Variants in PTPRN2 observed in about 807,000 individuals in gnomAD.
PTPRN2 encodes the protein protein tyrosine phosphatase receptor type N2, also known as receptor-type tyrosine-protein phosphatase N2.
PTPRN2 carries 74 observed loss-of-function variants against 118.8 expected under a neutral mutation model. The ratio of observed to expected loss-of-function variants is 0.62; its 90% CI spans 0.52 to 0.76. The LOEUF (loss-of-function observed/expected upper bound fraction) is 0.76. PTPRN2 is among the 30% of genes least tolerant of loss of function. PTPRN2 has a pLI of 0.00. For missense variants in PTPRN2, 1,481 were observed against 1,394.4 expected (o/e 1.06, Z -0.99); for synonymous variants, 641 against 608.0 (o/e 1.05, Z -0.80).
intron 11 of PTPRN2, among the ~76,000 whole-genome samples, chr7:157,993,280 A>G (rs1804393466): frequency 6.6e-6 from 1 of 151,978 alleles, no homozygotes; most frequent in Admixed American, 6.6e-5. Context: ...AAGACCAAGG[A>G]CAAAAGAGGA....
At chr7:158,279,657 G>A (rs966114448) in intron 3 of PTPRN2, among the ~76,000 whole-genome samples, 12 of 152,162 alleles carry the variant, frequency 7.9e-5, no homozygotes, top group African/African-American at 1.7e-4. Context: ...GTGCCCACCC[G>A]GAACCTGCGC....
At chr7:157,839,142 A>C (rs1048573352) in intron 12 of PTPRN2, among the ~76,000 whole-genome samples, 11 of 151,298 alleles carry the variant, frequency 7.3e-5, no homozygotes, top group African/African-American at 2.7e-4. Context: ...ATCCTCTAAA[A>C]GCCAATGACT....
At chr7:158,253,312 G>A (rs1796806362) in intron 3 of PTPRN2, among the ~76,000 whole-genome samples, 1 of 151,172 alleles carries the variant, frequency 6.6e-6, no homozygotes, top group Admixed American at 6.6e-5. Flanking sequence ...CTCGAGGACT[G>A]ACCGGGGCCA....
rs144676648 is a variant in PTPRN2 at position 157,713,559 on chromosome 7, C to G, written c.1789-30622G>C. ...TCCATCTCTCAGCAAGAAATGCCATCAGCAAAGAGACGGTGTGACGCCCGG... is the reference window on the plus strand; with the variant it reads ...TCCATCTCTCAGCAAGAAATGCCATGAGCAAAGAGACGGTGTGACGCCCGG... On this transcript the variant is annotated intron_variant, in intron 12 of 22. Transcript: ENST00000389418. 4.9e-3 allele frequency among the ~76,000 whole-genome samples: 752 copies of G among 152,314 alleles called. 5 individuals carry two copies. The highest frequency in any genetic ancestry group is 0.017 in the African/African-American group (718 of 41,574).
chr7:157,712,459 G>A (rs1472512849), intron 12 of PTPRN2, among the ~76,000 whole-genome samples: 1 of 152,084 alleles, frequency 6.6e-6, no homozygotes, highest in Non-Finnish European at 1.5e-5. Context: ...GATCAAAAAC[G>A]GAAATTTGAG....
rs1424891371 is a variant in PTPRN2 at position 157,764,000 on chromosome 7, C to T, written c.1789-81063G>A. On this transcript the variant is annotated intron_variant, in intron 12 of 22. Coordinates refer to ENST00000389418, the MANE Select transcript of PTPRN2 (RefSeq NM_002847.5). This position sits in a 1 kb window ranked among gnomAD's most constrained non-coding sequence, Gnocchi z 4.9. ...TCCGTGAACACAGGGAAGCTTTAGT[C>T]GCAGCCACATGAGTGGAGCATGTGG... 6.6e-6 allele frequency among the ~76,000 whole-genome samples: 1 copy of T among 152,178 alleles called. No homozygotes were observed. Among genetic ancestry groups the T allele is most frequent in the Non-Finnish European group, 1.5e-5 (1 of 68,038 alleles).
chr7:158,133,133 C>T (rs1563484002), intron 9 of PTPRN2, among the ~76,000 whole-genome samples: 1 of 152,200 alleles, frequency 6.6e-6, no homozygotes, highest in Non-Finnish European at 1.5e-5. Flanking sequence ...GAAGCCCCTT[C>T]TTCCTTCTGA....
intron 3 of PTPRN2, among the ~76,000 whole-genome samples, chr7:158,267,854 G>A (rs1047207855): frequency 6.6e-6 from 1 of 152,310 alleles, no homozygotes. Context: ...CACGTGACCA[G>A]CTGTGACCAC....
At chr7:157,912,618 T>A (rs949988329) in intron 11 of PTPRN2, among the ~76,000 whole-genome samples, 7 of 152,254 alleles carry the variant, frequency 4.6e-5, no homozygotes, top group African/African-American at 1.4e-4. Context: ...ACTCTGTTTT[T>A]TTCCTAAAAG....
intron 2 of PTPRN2, among the ~76,000 whole-genome samples, chr7:158,414,209 G>A (rs190754561): frequency 1.3e-3 from 194 of 152,146 alleles, no homozygotes; most frequent in African/African-American, 4.3e-3. Context: ...AACCCCGAAC[G>A]GCCCATAGCA....
At chr7:157,566,716 C>G (rs930387910) in intron 21 of PTPRN2, among the ~76,000 whole-genome samples, 4 of 152,262 alleles carry the variant, frequency 2.6e-5, no homozygotes, top group African/African-American at 9.6e-5. Context: ...AGCCAGTGAA[C>G]AGCAGCTCAG....
Position 158,316,832 on chromosome 7 carries a change from C to T in PTPRN2, c.264G>A (p.Lys88=). The part of the protein sequence containing the change: ...ALQRLRVALQ[K]LSGTGFTWQD... Reference sequence around the variant, plus strand: ...CGCCCGCCCTACCTGTGCCGGAAAGCTTCTGCAACGCCACGCGCAGGCGCT... The same window carrying T: ...CGCCCGCCCTACCTGTGCCGGAAAGTTTCTGCAACGCCACGCGCAGGCGCT... Residue 88 remains lysine (K), a synonymous_variant, in exon 3 of 23, where the codon AAG becomes AAA. Transcript: ENST00000389418. 1.9e-6 allele frequency: 3 copies of T among 1,604,404 alleles called. No homozygotes were observed. Among genetic ancestry groups the T allele is most frequent in the Admixed American group, 1.7e-5 (1 of 59,312 alleles).
intron 14 of PTPRN2, among the ~76,000 whole-genome samples, chr7:157,645,494 G>T (rs754073162): frequency 5.9e-5 from 9 of 152,220 alleles, no homozygotes; most frequent in Non-Finnish European, 1.0e-4. Flanking sequence ...GATGACTCAG[G>T]ATCTGGCTTC....
At chr7:157,775,277 G>A (rs1016937548) in intron 12 of PTPRN2, among the ~76,000 whole-genome samples, 17 of 151,998 alleles carry the variant, frequency 1.1e-4, no homozygotes, top group African/African-American at 4.1e-4. Flanking sequence ...GCTCTTTAGA[G>A]GGACAGAAAT....
At chr7:158,436,961 T>G (rs1394839135) in intron 2 of PTPRN2, among the ~76,000 whole-genome samples, 1 of 152,190 alleles carries the variant, frequency 6.6e-6, no homozygotes, top group Non-Finnish European at 1.5e-5. Context: ...AATAGCTATA[T>G]AATAGATTTT....
chr7:157,877,104 G>T (rs998328540), intron 12 of PTPRN2, among the ~76,000 whole-genome samples: 4 of 146,604 alleles, frequency 2.7e-5, no homozygotes, highest in African/African-American at 1.0e-4. Context: ...CATGGTCAGG[G>T]TTTCCTCGGG....
intron 6 of PTPRN2, among the ~76,000 whole-genome samples, chr7:158,139,274 G>A (rs1332240384): frequency 6.6e-6 from 1 of 152,200 alleles, no homozygotes; most frequent in Admixed American, 6.5e-5. Context: ...GCAGAGTGGG[G>A]AAATTAAAAC....
chr7:158,034,295 G>A (rs772497631), intron 11 of PTPRN2, among the ~76,000 whole-genome samples: 24 of 152,222 alleles, frequency 1.6e-4, no homozygotes, highest in African/African-American at 5.3e-4. Flanking sequence ...GTGGCTGGCT[G>A]CACAGTGATG....
chr7:157,711,637 T>C (rs1011322383), intron 12 of PTPRN2, among the ~76,000 whole-genome samples: 20 of 152,110 alleles, frequency 1.3e-4, no homozygotes, highest in Non-Finnish European at 2.5e-4. Flanking sequence ...CTTCTGGCCT[T>C]GCAGGCAGCT....
Sources: gnomAD v4.1 joint callset for allele counts (sites outside exome capture counted in the v4.1 genomes callset) on GRCh38, gnomAD v4.1.1 for gene constraint, Gnocchi (gnomAD v3.1) non-coding constraint, MANE v1.5 for transcripts, NCBI Gene and HGNC (gene_info 2026-07-23, HGNC 2026-07-21) for gene names.